The following KIAA1217 variants were observed in gnomAD, a reference collection of about 807,000 sequenced individuals.
KIAA1217 encodes KIAA1217.
Under a neutral mutation model 163.9 loss-of-function variants are expected in KIAA1217, and 88 were observed. The ratio of observed to expected loss-of-function variants is 0.54; its 90% CI spans 0.45 to 0.64. KIAA1217 has a LOEUF of 0.64. Among genes scored for constraint, KIAA1217 ranks in the 30% least tolerant of loss-of-function variants. The pLI is 0.00. For missense variants in KIAA1217, 2,372 were observed against 2,475.0 expected (o/e 0.96, Z 0.88); for synonymous variants, 903 against 923.1 (o/e 0.98, Z 0.39).
At chr10:23,804,139 A>T (rs576902712) in intron 1 of KIAA1217, among the ~76,000 whole-genome samples, 3 of 152,260 alleles carry the variant, frequency 2.0e-5, no homozygotes, top group African/African-American at 7.2e-5. Flanking sequence ...CTCCATCTAG[A>T]TCATGTTTTC....
chr10:23,737,617 AATTATTTTC>A (rs1229173921), intron 1 of KIAA1217, among the ~76,000 whole-genome samples: 2 of 152,172 alleles, frequency 1.3e-5, no homozygotes, highest in African/African-American at 4.8e-5. Flanking sequence ...TTACACAAAA[AATTATTTTC>A]ATTCTAAAAC....
intron 1 of KIAA1217, among the ~76,000 whole-genome samples, chr10:23,769,601 C>T (rs188478275): frequency 1.2e-4 from 19 of 152,240 alleles, no homozygotes; most frequent in East Asian, 7.7e-4. Flanking sequence ...TTAGTTCAGC[C>T]GATGTCCAGG....
At chr10:24,286,214 AT>A (rs908020746) in intron 2 of KIAA1217, among the ~76,000 whole-genome samples, 3 of 151,742 alleles carry the variant, frequency 2.0e-5, no homozygotes, top group Admixed American at 6.6e-5. Context: ...TCTTTTGCCC[AT>A]TTTTTTAATT....
chr10:23,832,679 G>C (rs1241507376), intron 1 of KIAA1217, among the ~76,000 whole-genome samples: 1 of 152,048 alleles, frequency 6.6e-6, no homozygotes, highest in Non-Finnish European at 1.5e-5. Context: ...GTATCCCAGG[G>C]ACCAGGGGCA....
chr10:24,418,596 A>G (rs2058462787), intron 3 of KIAA1217, among the ~76,000 whole-genome samples: 1 of 152,246 alleles, frequency 6.6e-6, no homozygotes, highest in Non-Finnish European at 1.5e-5. Flanking sequence ...TAAAATACCA[A>G]TACTTTAGCA....
intron 1 of KIAA1217, among the ~76,000 whole-genome samples, chr10:23,851,001 G>A (rs1466285021): frequency 6.6e-6 from 1 of 151,620 alleles, no homozygotes; most frequent in African/African-American, 2.4e-5. Flanking sequence ...TTCCAATACT[G>A]GGGATTACAA....
intron 1 of KIAA1217, among the ~76,000 whole-genome samples, chr10:23,860,108 G>T (rs576702165): frequency 4.3e-4 from 66 of 152,188 alleles, no homozygotes; most frequent in Non-Finnish European, 8.4e-4. Context: ...GATTTCCATG[G>T]CCTCCTCTTC....
intron 1 of KIAA1217, among the ~76,000 whole-genome samples, chr10:23,720,433 G>T (rs890614522): frequency 6.6e-6 from 1 of 152,106 alleles, no homozygotes; most frequent in African/African-American, 2.4e-5. Context: ...CTGATTATAG[G>T]TAGTATTGAG....
chr10:23,944,666 G>C (rs1843932008), intron 1 of KIAA1217, among the ~76,000 whole-genome samples: 1 of 152,120 alleles, frequency 6.6e-6, no homozygotes, highest in African/African-American at 2.4e-5. Flanking sequence ...AACTTAAAAA[G>C]ATTAACAACA....
intron 2 of KIAA1217, among the ~76,000 whole-genome samples, chr10:24,262,083 C>CA (rs975028846): frequency 2.6e-5 from 4 of 151,544 alleles, no homozygotes; most frequent in Non-Finnish European, 2.9e-5. Context: ...CCAACAAAAA[C>CA]AAAAAAAGGA....
intron 2 of KIAA1217, among the ~76,000 whole-genome samples, chr10:24,080,588 C>G (rs914093269): frequency 6.6e-6 from 1 of 152,104 alleles, no homozygotes; most frequent in Non-Finnish European, 1.5e-5. Flanking sequence ...GGAAAAAAAG[C>G]CTGTCTCCAT....
At chr10:24,286,993 G>C (rs1456434393) in intron 2 of KIAA1217, among the ~76,000 whole-genome samples, 1 of 152,090 alleles carries the variant, frequency 6.6e-6, no homozygotes, top group African/African-American at 2.4e-5. Context: ...TTATGGATTT[G>C]GACTTCAAAG....
chr10:24,114,129 TGA>T (rs1356910484), intron 2 of KIAA1217, among the ~76,000 whole-genome samples: 1 of 152,102 alleles, frequency 6.6e-6, no homozygotes, highest in East Asian at 1.9e-4. Flanking sequence ...TTTAAGACTT[TGA>T]GACTCTGGAA....
chr10:24,304,775 G>C (rs2041817549), intron 2 of KIAA1217, among the ~76,000 whole-genome samples: 1 of 152,162 alleles, frequency 6.6e-6, no homozygotes, highest in Non-Finnish European at 1.5e-5. Flanking sequence ...TAGGCAGAAG[G>C]AAAAGGAAGT....
chr10:23,875,299 A>C (rs1029405307), intron 1 of KIAA1217, among the ~76,000 whole-genome samples: 3 of 152,102 alleles, frequency 2.0e-5, no homozygotes, highest in Non-Finnish European at 4.4e-5. Flanking sequence ...GCAAGGGACC[A>C]GGACTCTGAT....
At chr10:23,970,225 A>G (rs1589160100) in intron 1 of KIAA1217, among the ~76,000 whole-genome samples, 1 of 152,136 alleles carries the variant, frequency 6.6e-6, no homozygotes. Context: ...CCAAAGGTTT[A>G]CTCCCAAGTA....
chr10:23,739,574 G>A (rs569636458), intron 1 of KIAA1217, among the ~76,000 whole-genome samples: 1 of 152,260 alleles, frequency 6.6e-6, no homozygotes, highest in Admixed American at 6.5e-5. Flanking sequence ...AAGGGATGAG[G>A]TCCAGTGAAA....
intron 6 of KIAA1217, among the ~76,000 whole-genome samples, chr10:24,492,207 T>C (rs2066246633): frequency 6.6e-6 from 1 of 152,102 alleles, no homozygotes; most frequent in African/African-American, 2.4e-5. Flanking sequence ...CAACCACCAC[T>C]CCCATTTTTT....
intron 1 of KIAA1217, among the ~76,000 whole-genome samples, chr10:23,795,107 G>T (rs1162757206): frequency 1.3e-5 from 2 of 152,202 alleles, no homozygotes; most frequent in South Asian, 2.1e-4. Context: ...ACCAGTGCCT[G>T]TAAGAACAGC....
Sources: allele counts gnomAD v4.1 joint callset (sites outside exome capture counted in the v4.1 genomes callset), GRCh38; gene constraint gnomAD v4.1.1; transcripts MANE v1.5; gene names NCBI Gene and HGNC (gene_info 2026-07-23, HGNC 2026-07-21).